The following RAD51B variants were observed in gnomAD, a reference collection of about 807,000 sequenced individuals.
RAD51B encodes the protein RAD51 paralog B.
In RAD51B, 38 loss-of-function variants were observed where a neutral mutation model predicts 42.2. The ratio of observed to expected loss-of-function variants is 0.90; its 90% CI spans 0.70 to 1.18. The LOEUF is 1.18. RAD51B is among the 50% of genes most tolerant of loss of function. RAD51B has a pLI of 0.00. For missense variants in RAD51B, 373 were observed against 400.7 expected (o/e 0.93, Z 0.59); for synonymous variants, 154 against 145.2 (o/e 1.06, Z -0.43).
Position 68,054,394 on chromosome 14 carries a change from G to A in RAD51B, c.756+167190G>A, listed in dbSNP as rs12881274. On this transcript the variant is annotated intron_variant, in intron 7 of 10. Transcript: ENST00000471583. The stretch of plus-strand genomic sequence containing the variant: ...TATTAGATTCAGGTTATGAATTTGG[G>A]GAAGTAACACCACAGAATTGATATT... Among the ~76,000 whole-genome samples the A allele has an allele frequency of 5.4e-3, 821 of 152,092 alleles. 9 individuals carry two copies. The highest frequency in any genetic ancestry group is 7.4e-3 in the Non-Finnish European group (504 of 67,992).
chr14:67,978,195 AT>A (rs982520984), intron 7 of RAD51B, among the ~76,000 whole-genome samples: 6 of 151,386 alleles, frequency 4.0e-5, no homozygotes, highest in East Asian at 1.9e-4. Context: ...TATAAAAAAG[AT>A]TTTTTTTTAT....
At chr14:68,142,073 T>C (rs1337991768) in intron 7 of RAD51B, among the ~76,000 whole-genome samples, 3 of 152,194 alleles carry the variant, frequency 2.0e-5, no homozygotes, top group Non-Finnish European at 4.4e-5. Context: ...TTAAAGACTA[T>C]CTGTTACACT....
At chr14:68,001,942 A>G (rs1318378586) in intron 7 of RAD51B, among the ~76,000 whole-genome samples, 1 of 152,186 alleles carries the variant, frequency 6.6e-6, no homozygotes, top group Non-Finnish European at 1.5e-5. Context: ...AATCCAGTCT[A>G]TCACTGATGG....
chr14:67,889,670 C>T (rs1283411264), intron 7 of RAD51B, among the ~76,000 whole-genome samples: 1 of 151,628 alleles, frequency 6.6e-6, no homozygotes, highest in Non-Finnish European at 1.5e-5. Flanking sequence ...CGCATGAATG[C>T]ATTTAAGTTT....
intron 7 of RAD51B, among the ~76,000 whole-genome samples, chr14:68,092,033 G>A (rs1222762671): frequency 6.6e-6 from 1 of 151,938 alleles, no homozygotes; most frequent in Non-Finnish European, 1.5e-5. Context: ...ATTTCTCAGG[G>A]CTCTGTTCTG....
At chr14:68,294,943 A>T (rs1415506223) in intron 8 of RAD51B, among the ~76,000 whole-genome samples, 4 of 152,130 alleles carry the variant, frequency 2.6e-5, no homozygotes, top group Non-Finnish European at 5.9e-5. Context: ...AGTGTGTGCA[A>T]ACCAGTGAGA....
chr14:67,990,132 G>A (rs1306109149), intron 7 of RAD51B, among the ~76,000 whole-genome samples: 1 of 151,498 alleles, frequency 6.6e-6, no homozygotes, highest in Non-Finnish European at 1.5e-5. Flanking sequence ...CAAGTAGCTG[G>A]GACTACAGGT....
At chr14:68,224,577 AAGT>A (rs1180791278) in intron 7 of RAD51B, among the ~76,000 whole-genome samples, 1 of 152,222 alleles carries the variant, frequency 6.6e-6, no homozygotes, top group African/African-American at 2.4e-5. Flanking sequence ...CTGTATGCAT[AAGT>A]AGGCATCTGA....
intron 10 of RAD51B, among the ~76,000 whole-genome samples, chr14:68,524,113 G>A (rs1390496712): frequency 6.6e-6 from 1 of 152,070 alleles, no homozygotes; most frequent in Non-Finnish European, 1.5e-5. Context: ...ATCCCTCGGT[G>A]GCAGGTGCTG....
chr14:68,673,317 A>C (rs1386614357), intron 11 of RAD51B, among the ~76,000 whole-genome samples: 1 of 152,192 alleles, frequency 6.6e-6, no homozygotes, highest in African/African-American at 2.4e-5. Context: ...ATACATGCAC[A>C]CACATACACA....
At chr14:68,213,931 T>C (rs2079761676) in intron 7 of RAD51B, among the ~76,000 whole-genome samples, 1 of 152,132 alleles carries the variant, frequency 6.6e-6, no homozygotes, top group South Asian at 2.1e-4. Context: ...AGTAAAAAAA[T>C]CACTTCTCAT....
chr14:68,610,092 T>C (rs1313546642), intron 10 of RAD51B, among the ~76,000 whole-genome samples: 2 of 152,152 alleles, frequency 1.3e-5, no homozygotes, highest in Middle Eastern at 3.2e-3. Flanking sequence ...CTGCTGGCCG[T>C]CTCTGCTTAG....
chr14:68,267,127 G>C (rs1450870766), intron 7 of RAD51B, among the ~76,000 whole-genome samples: 1 of 152,148 alleles, frequency 6.6e-6, no homozygotes, highest in Non-Finnish European at 1.5e-5. Context: ...CTTCAGATAG[G>C]TAAAAAGCAA....
At chr14:68,013,278 G>A (rs1478223782) in intron 7 of RAD51B, among the ~76,000 whole-genome samples, 1 of 152,210 alleles carries the variant, frequency 6.6e-6, no homozygotes, top group Admixed American at 6.5e-5. Flanking sequence ...AAAAGAGAAA[G>A]ATAGGCAGAA....
rs191807022 is a variant in RAD51B, at chr14:68,540,244, G to A, written c.1037-54241G>A. On this transcript the variant is annotated intron_variant, in intron 10 of 10. Coordinates refer to the RAD51B transcript ENST00000487270. ...ATCTGCTCGAGGCAAACATAGGATC[G>A]TCTGAGTTCCTTGCACCCTGTTCAA... 1,307 of 1,000,842 alleles carry A rather than the reference G, an allele frequency of 1.3e-3. 2 individuals carry two copies. Among genetic ancestry groups the A allele is most frequent in the South Asian group, 7.4e-3 (155 of 20,880 alleles). 62.0% of individuals were successfully genotyped at this position (1,000,842 alleles called of 1,614,324 possible). A position where few individuals can be genotyped will look rare whatever the true frequency, so the allele number is the denominator to read the frequency against.
At chr14:67,893,481 C>T (rs1348317785) in intron 7 of RAD51B, among the ~76,000 whole-genome samples, 1 of 64,212 alleles carries the variant, frequency 1.6e-5, no homozygotes, top group African/African-American at 8.6e-5. Flanking sequence ...CACACACACA[C>T]ACACACACAC....
intron 7 of RAD51B, among the ~76,000 whole-genome samples, chr14:68,086,285 A>T (rs539749582): frequency 6.6e-6 from 1 of 152,208 alleles, no homozygotes; most frequent in Non-Finnish European, 1.5e-5. Flanking sequence ...GGTGCCTATT[A>T]GTGCGTTCCT....
chr14:68,677,791 C>T (rs116817651), intron 11 of RAD51B, among the ~76,000 whole-genome samples: 98 of 152,302 alleles, frequency 6.4e-4, no homozygotes, highest in African/African-American at 2.3e-3. Context: ...ATGCTACAGC[C>T]AGGTCCTCTT....
rs78735741 is a variant in RAD51B at position 68,667,923 on chromosome 14, A to G, written c.*11+17067A>G. ...AACTGAAGGCAGATCAGCCTTCAGT[A>G]AGGTAACTCCAGCAGGAGAAAGCAT... On this transcript the variant is annotated intron_variant, in intron 11 of 11. Transcript: ENST00000488612. Among the ~76,000 whole-genome samples the G allele has an allele frequency of 6.1e-3, 934 of 152,302 alleles. 8 individuals are homozygous for G. The highest frequency in any genetic ancestry group is 0.021 in the African/African-American group (884 of 41,548).
Sources: allele counts gnomAD v4.1 joint callset (sites outside exome capture counted in the v4.1 genomes callset), GRCh38; gene constraint gnomAD v4.1.1; transcripts MANE v1.5; gene names NCBI Gene and HGNC (gene_info 2026-07-23, HGNC 2026-07-21).